Variants in TRAPPC14 observed in about 807,000 individuals in gnomAD.
TRAPPC14 encodes the protein trafficking protein particle complex subunit 14.
In TRAPPC14, 24 loss-of-function variants were observed where a neutral mutation model predicts 56.6. The ratio of observed to expected loss-of-function variants is 0.42; its 90% confidence interval spans 0.31 to 0.60. The LOEUF is 0.60. TRAPPC14 is among the 20% of genes least tolerant of loss of function. The pLI, the probability that TRAPPC14 is intolerant of heterozygous loss-of-function variation, is 0.14. For synonymous variants in TRAPPC14, 377 were observed against 347.0 expected (o/e 1.09, Z -0.96); for missense variants, 615 against 790.3 (o/e 0.78, Z 2.66).
In TRAPPC14 at chr7:100,157,403, C is replaced by A. The variant is rs1332025283; in HGVS notation, c.694G>T (p.Val232Leu). 1.2e-6 allele frequency: 2 copies of A among 1,614,164 alleles called. No homozygotes were observed. The highest frequency in any genetic ancestry group is 1.7e-6 in the Non-Finnish European group (2 of 1,180,046). The stretch of plus-strand genomic sequence containing the variant: ...AGCACGGTCAAGTGTTTTCCAGCCA[C>A]AGTGAACTGCCGGCATCTCAGAACC... Reference protein sequence around the residue: ...PPVLRCRQFTVAGKHLTVLKV... With the variant: ...PPVLRCRQFTLAGKHLTVLKV... The change falls in exon 4 of 11, where the codon GTG becomes TTG. Residue 232 changes from valine to leucine, a missense_variant. Coordinates refer to ENST00000316937, the MANE Select transcript of TRAPPC14 (RefSeq NM_018275.5).
chr7:100,154,957 C>A lies in TRAPPC14; in HGVS notation c.*54G>T, dbSNP rs1019812071. 6.3e-7 allele frequency: 1 copy of A among 1,595,764 alleles called. No individual in the cohort carries two copies. Among genetic ancestry groups the A allele is most frequent in the Non-Finnish European group, 8.6e-7 (1 of 1,163,628 alleles). ...AGGCACAGCCCGGGAGCAGGGATCC[C>A]CTCTGGGGGCGTTGGGTCTCTGGAG... On this transcript the variant is annotated 3_prime_UTR_variant, in exon 11 of 11. Transcript: ENST00000316937.
intron 9 of TRAPPC14, 34 bp from the exon 10 acceptor site, chr7:100,155,489 G>A (rs1318823061): frequency 6.6e-7 from 1 of 1,518,098 alleles, no homozygotes; most frequent in Non-Finnish European, 8.8e-7. Context: ...TGCCAGCTCG[G>A]CTTCCAGGAC....
In TRAPPC14 at chr7:100,158,312, C is replaced by A; in HGVS notation, c.188G>T (p.Gly63Val). ...RGGAGSGTGG[G>V]PGLGSRGAWA... ...GGCTCCTCTGGAGCCCAAGCCCGGG[C>A]CGCCCCCGGTGCCGGACCCCGCACC... Residue 63 changes from glycine to valine, a missense_variant, in exon 1 of 11, where the codon GGC (glycine) becomes GTC (valine). Physicochemically the swap from Gly to Val is moderately radical, Grantham distance 109. Transcript: ENST00000316937. The A allele has an allele frequency of 6.8e-7, 1 of 1,462,820 alleles. No homozygotes were observed. The highest frequency in any genetic ancestry group is 1.3e-5 in the South Asian group (1 of 75,086). 90.6% of individuals were successfully genotyped at this position (1,462,820 alleles called of 1,614,324 possible).
Position 100,154,968 on chromosome 7 carries a change from G to A in TRAPPC14, c.*43C>T, listed in dbSNP as rs111624021. 30 of 1,607,362 alleles carry A rather than the reference G, an allele frequency of 1.9e-5. No individual in the cohort carries two copies. The highest frequency in any genetic ancestry group is 1.2e-4 in the African/African-American group (9 of 74,802). On this transcript the variant is annotated 3_prime_UTR_variant, in exon 11 of 11. Transcript: ENST00000316937. ...GGGAGCAGGGATCCCCTCTGGGGGC[G>A]TTGGGTCTCTGGAGTGTAAGAGGGA...
chr7:100,155,759 G>C lies in TRAPPC14; in HGVS notation c.1307C>G (p.Thr436Arg). The change falls in exon 9 of 11, where the codon ACG (threonine) becomes AGG (arginine). Residue 436 changes from threonine to arginine, a missense_variant. By Grantham distance (71) the Thr-to-Arg change is moderately conservative. Coordinates refer to ENST00000316937, the MANE Select transcript of TRAPPC14 (RefSeq NM_018275.5). ...QAALDSVVCH[T>R]PLNNLGFSRK... is the part of the protein sequence containing the mutation. The stretch of plus-strand genomic sequence containing the variant: ...GGAAAAGCCAAGGTTGTTGAGGGGC[G>C]TGTGGCAGACGACGGAGTCCAGGGC... 1 of 1,614,204 alleles carries C rather than the reference G, an allele frequency of 6.2e-7. No homozygotes were observed. Among genetic ancestry groups the C allele is most frequent in the South Asian group, 1.1e-5 (1 of 91,090 alleles).
rs764017345 is a variant in TRAPPC14 at position 100,155,014 on chromosome 7, C to T, written c.1740G>A (p.Lys580=). The T allele has an allele frequency of 1.9e-6, 3 of 1,614,130 alleles. No individual in the cohort carries two copies. Among genetic ancestry groups the T allele is most frequent in the Non-Finnish European group, 2.5e-6 (3 of 1,179,980 alleles). Residue 580 remains lysine (K), a synonymous_variant, in exon 11 of 11, where the codon AAG becomes AAA. Transcript: ENST00000316937. ...ECKVLVVEPV[K] is the part of the protein sequence containing the mutation. The stretch of plus-strand genomic sequence containing the variant: ...AGGGAACAGAGCTGGCACGGTGCTA[C>T]TTGACGGGTTCCACCACCAGGACCT...
chr7:100,157,579 T>A, intron 3 of TRAPPC14, 54 bp downstream of exon 3: 2 of 1,609,416 alleles, frequency 1.2e-6, no homozygotes, highest in Admixed American at 3.3e-5. Context: ...ACCCCTCCCC[T>A]CTGTCCCCCA....
Position 100,158,523 on chromosome 7 carries a change from G to C in TRAPPC14, c.-24C>G. On this transcript the variant is annotated 5_prime_UTR_variant, in exon 1 of 11. Coordinates refer to ENST00000316937, the MANE Select transcript of TRAPPC14 (RefSeq NM_018275.5). ...ATGGGGCGGCGAGGACGGCGCGACT[G>C]GGAGCCCGGACCGGAGGCCGACCGC... The C allele has an allele frequency of 7.7e-7, 1 of 1,307,028 alleles. No individual in the cohort carries two copies. Among genetic ancestry groups the C allele is most frequent in the Non-Finnish European group, 9.7e-7 (1 of 1,029,662 alleles). 81.0% of individuals were successfully genotyped at this position (1,307,028 alleles called of 1,614,324 possible). A position where few individuals can be genotyped will look rare whatever the true frequency, so the allele number is the denominator to read the frequency against.
rs1798930599 is a variant in TRAPPC14, at chr7:100,158,319, C to T, written c.181G>A (p.Gly61Arg). 3 of 1,458,878 alleles carry T rather than the reference C, an allele frequency of 2.1e-6. No homozygotes were observed. Among genetic ancestry groups the T allele is most frequent in the Non-Finnish European group, 1.8e-6 (2 of 1,110,868 alleles). The allele number at this position is 1,458,878 out of a possible 1,614,324, so 90.4% of individuals were successfully genotyped here. ...CTGGAGCCCAAGCCCGGGCCGCCCCCGGTGCCGGACCCCGCACCGCCCCGG... is the reference window on the plus strand; with the variant it reads ...CTGGAGCCCAAGCCCGGGCCGCCCCTGGTGCCGGACCCCGCACCGCCCCGG... ...RCRGGAGSGT[G>R]GGPGLGSRGA... The change falls in exon 1 of 11, where the codon GGG (glycine) becomes AGG (arginine). Residue 61 changes from glycine (G) to arginine (R), a missense_variant. Transcript: ENST00000316937.
At position 100,157,657 on chromosome 7, in the gene TRAPPC14, C is replaced by G; in HGVS notation, c.613G>C (p.Glu205Gln). The G allele has an allele frequency of 1.2e-6, 2 of 1,614,208 alleles. No homozygotes were observed. The highest frequency in any genetic ancestry group is 8.5e-7 in the Non-Finnish European group (1 of 1,180,040). ...CCTTGGGCCTTGAAAGCGCTCTGCT[C>G]GCCCCGGAATGTCTCCCCAGGAGAT... is the stretch of plus-strand genomic sequence containing the variant. The part of the protein sequence containing the change: ...TRSPGETFRG[E>Q]QSAFKAQVST... The change falls in exon 3 of 11, where the codon GAG becomes CAG. Residue 205 changes from glutamate to glutamine, a missense_variant. Glu to Gln is a conservative substitution (Grantham distance 29). Transcript: ENST00000316937.
Position 100,154,947 on chromosome 7 carries a change from G to A in TRAPPC14, c.*64C>T, listed in dbSNP as rs1798842664. 5.8e-6 allele frequency: 9 copies of A among 1,557,218 alleles called. No homozygotes were observed. The highest frequency in any genetic ancestry group is 1.1e-5 in the South Asian group (1 of 89,850). On this transcript the variant is annotated 3_prime_UTR_variant, in exon 11 of 11. Coordinates refer to ENST00000316937, the MANE Select transcript of TRAPPC14 (RefSeq NM_018275.5). ...ATCCCAGGGGAGGCACAGCCCGGGA[G>A]CAGGGATCCCCTCTGGGGGCGTTGG... is the stretch of plus-strand genomic sequence containing the variant.
rs1798912549 is a variant in TRAPPC14 at position 100,157,684 on chromosome 7, G to A, written c.586C>T (p.Arg196Ter). Residue 196 changes from arginine to a stop codon, truncating the protein, a stop_gained, in exon 3 of 11, where the codon CGA (arginine) becomes TGA (stop). Coordinates refer to ENST00000316937, the MANE Select transcript of TRAPPC14 (RefSeq NM_018275.5). LOFTEE classifies it high-confidence loss of function. ...CCCCGGAATGTCTCCCCAGGAGATC[G>A]GGTCTGCAGCAATCGCAGGTAGCCT... ...DQGYLRLLQT[R>*]SPGETFRGEQ... is the part of the protein sequence containing the mutation. 6.2e-7 allele frequency: 1 copy of A among 1,614,082 alleles called. No homozygotes were observed. Among genetic ancestry groups the A allele is most frequent in the Non-Finnish European group, 8.5e-7 (1 of 1,180,042 alleles).
chr7:100,156,516 A>G lies in TRAPPC14; in HGVS notation c.1110T>C (p.Phe370=). Residue 370 remains phenylalanine (F), a synonymous_variant, in exon 8 of 11, where the codon TTT becomes TTC. Transcript: ENST00000316937. ...LPSVRLDRPC[F]VMTASCKSPV... is the part of the protein sequence containing the mutation. ...GGGACTTACAAGAAGCGGTCATCAC[A>G]AAACACGGGCGGTCCAAGCGGACAC... The G allele has an allele frequency of 6.2e-7, 1 of 1,614,182 alleles. No individual in the cohort carries two copies.
At position 100,155,146 on chromosome 7, in the gene TRAPPC14, C is replaced by T; in HGVS notation, c.1608G>A (p.Glu536=). Residue 536 remains glutamate (E), a synonymous_variant, in exon 11 of 11, where the codon GAG becomes GAA. Coordinates refer to ENST00000316937, the MANE Select transcript of TRAPPC14 (RefSeq NM_018275.5). ...CCACAGGGGGCGTGATGGCTCTGCG[C>T]TCCATCACACTGCCCGACCTGGGGG... ...SHLMRSGSVM[E]RRAITPPVAS... The T allele has an allele frequency of 1.9e-6, 3 of 1,611,904 alleles. No individual in the cohort carries two copies. Among genetic ancestry groups the T allele is most frequent in the Non-Finnish European group, 2.5e-6 (3 of 1,178,924 alleles).
Position 100,155,693 on chromosome 7 carries a change from G to T in TRAPPC14, c.1373C>A (p.Ala458Asp), listed in dbSNP as rs769813398. ...CACCTCGAAGAGCCCCGTCCTCAGAGCCTGGAAGGCCACACTGAAGGTGAG... is the reference window on the plus strand; with the variant it reads ...CACCTCGAAGAGCCCCGTCCTCAGATCCTGGAAGGCCACACTGAAGGTGAG... The part of the protein sequence containing the change: ...SALTFSVAFQ[A>D]LRTGLFELSQ... The change falls in exon 9 of 11, where the codon GCT (alanine) becomes GAT (aspartate). Residue 458 changes from alanine (A) to aspartate (D), a missense_variant. Physicochemically the swap from Ala to Asp is moderately radical, Grantham distance 126 (BLOSUM62 -2). Coordinates refer to ENST00000316937, the MANE Select transcript of TRAPPC14 (RefSeq NM_018275.5). 1 of 1,610,828 alleles carries T rather than the reference G, an allele frequency of 6.2e-7. No homozygotes were observed. The highest frequency in any genetic ancestry group is 8.5e-7 in the Non-Finnish European group (1 of 1,178,010).
At chr7:100,156,042 A>AT in intron 8 of TRAPPC14, 1 of 726,194 alleles carries the variant, frequency 1.4e-6, no homozygotes. Context: ...GCCCCATCAG[A>AT]TATGAGTTGC....
At chr7:100,156,165 G>A in intron 8 of TRAPPC14, 2 of 611,154 alleles carry the variant, frequency 3.3e-6, no homozygotes, top group South Asian at 3.8e-5. Flanking sequence ...CAGCTCCAGT[G>A]TCTATGCCCT....
chr7:100,157,496 G>T, intron 3 of TRAPPC14, 37 bp from the exon 4 acceptor site: 1 of 1,604,722 alleles, frequency 6.2e-7, no homozygotes, highest in Non-Finnish European at 8.5e-7. Flanking sequence ...TGATGGTCTG[G>T]AGGCTGACCT....
At position 100,156,258 on chromosome 7, in the gene TRAPPC14, C is replaced by T. The variant is rs112784768; in HGVS notation, c.1240+128G>A. ...CACCCAGGTACAGGGCGGAAGCCAC[C>T]TGCCACAAGTCGCCTCCTGTGATGG... On this transcript the variant is annotated intron_variant, in intron 8 of 10. Coordinates refer to ENST00000316937, the MANE Select transcript of TRAPPC14 (RefSeq NM_018275.5). The T allele has an allele frequency of 5.4e-3, 4,920 of 907,458 alleles. 173 individuals are homozygous for T. In the African/African-American group the frequency reaches 0.074, roughly 14 times the overall value. The allele number at this position is 907,458 out of a possible 1,614,324, so 56.2% of individuals were successfully genotyped here.
Sources: gnomAD v4.1 joint callset for allele counts on GRCh38, gnomAD v4.1.1 for gene constraint, MANE v1.5 for transcripts, NCBI Gene and HGNC (gene_info 2026-07-23, HGNC 2026-07-21) for gene names.